The following PDSS2 variants were observed in gnomAD, a reference collection of about 807,000 sequenced individuals.
PDSS2 encodes the protein all trans-polyprenyl-diphosphate synthase PDSS2.
In PDSS2, 31 loss-of-function variants were observed where a neutral mutation model predicts 44.5. That is an observed-to-expected ratio of 0.70 (90% CI 0.52 to 0.94). The LOEUF is 0.94. Ranked by LOEUF, PDSS2 falls within the 40% of genes least tolerant of loss-of-function variation. PDSS2 has a pLI of 0.00. For missense variants in PDSS2, 452 were observed against 482.2 expected (o/e 0.94, Z 0.59); for synonymous variants, 157 against 180.3 (o/e 0.87, Z 1.03).
intron 7 of PDSS2, among the ~76,000 whole-genome samples, chr6:107,157,467 T>C (rs1330767266): frequency 1.1e-4 from 17 of 151,194 alleles, no homozygotes; most frequent in African/African-American, 3.4e-4. Context: ...CCTTTAATTA[T>C]AGGGGAACCA....
At chr6:107,277,038 G>T (rs1173611676) in intron 2 of PDSS2, among the ~76,000 whole-genome samples, 1 of 152,198 alleles carries the variant, frequency 6.6e-6, no homozygotes. Context: ...ACCAAGGTTT[G>T]GAGTAGTTTG....
intron 1 of PDSS2, among the ~76,000 whole-genome samples, chr6:107,417,789 ACACAC>A (rs1483981974): frequency 6.9e-6 from 1 of 145,644 alleles, no homozygotes; most frequent in Non-Finnish European, 1.5e-5. Context: ...ACACACACAC[ACACAC>A]ACACACACAC....
intron 2 of PDSS2, among the ~76,000 whole-genome samples, chr6:107,277,703 T>C (rs927605790): frequency 2.0e-5 from 3 of 152,022 alleles, no homozygotes; most frequent in Admixed American, 6.6e-5. Context: ...CTGTAATCCC[T>C]GCACTATGGG....
At chr6:107,423,495 A>C (rs1217073377) in intron 1 of PDSS2, among the ~76,000 whole-genome samples, 1 of 152,108 alleles carries the variant, frequency 6.6e-6, no homozygotes, top group Non-Finnish European at 1.5e-5. Context: ...GTTCAGTTGG[A>C]AAATAAAGTT....
At chr6:107,405,816 C>T (rs1256577448) in intron 1 of PDSS2, among the ~76,000 whole-genome samples, 1 of 145,146 alleles carries the variant, frequency 6.9e-6, no homozygotes, top group African/African-American at 2.6e-5. Flanking sequence ...CACTGCACTC[C>T]AGCCTGGGCG....
intron 1 of PDSS2, among the ~76,000 whole-genome samples, chr6:107,447,761 C>T (rs1432418975): frequency 6.6e-6 from 1 of 152,188 alleles, no homozygotes; most frequent in Non-Finnish European, 1.5e-5. Flanking sequence ...CTAGGCAGTA[C>T]CCCAGTGGGA....
intron 1 of PDSS2, among the ~76,000 whole-genome samples, chr6:107,417,596 T>TA (rs1780701114): frequency 6.6e-6 from 1 of 151,974 alleles, no homozygotes; most frequent in South Asian, 2.1e-4. Context: ...CCATCTCTAC[T>TA]AAAAATACAA....
intron 2 of PDSS2, 60 bp downstream of exon 2, chr6:107,334,138 C>G (rs1156793117): frequency 7.1e-7 from 1 of 1,407,894 alleles, no homozygotes; most frequent in Non-Finnish European, 1.0e-6. Flanking sequence ...CCACTGACCT[C>G]TGTCCAGTAA....
At chr6:107,319,021 CACACAT>C (rs1350277148) in intron 2 of PDSS2, among the ~76,000 whole-genome samples, 2 of 143,554 alleles carry the variant, frequency 1.4e-5, no homozygotes, top group Non-Finnish European at 3.2e-5. Flanking sequence ...CACACACACA[CACACAT>C]ACACACACAC....
intron 3 of PDSS2, among the ~76,000 whole-genome samples, chr6:107,256,211 G>A (rs182468399): frequency 5.3e-5 from 8 of 152,050 alleles, no homozygotes; most frequent in South Asian, 4.2e-4. Context: ...GGCTGGTCTC[G>A]AACTCCTGAC....
At chr6:107,328,868 T>C (rs1294809266) in intron 2 of PDSS2, among the ~76,000 whole-genome samples, 2 of 152,214 alleles carry the variant, frequency 1.3e-5, no homozygotes, top group South Asian at 2.1e-4. Flanking sequence ...GAACACCTAG[T>C]TACAACTTAA....
intron 7 of PDSS2, among the ~76,000 whole-genome samples, chr6:107,177,490 G>A (rs1442580889): frequency 6.6e-6 from 1 of 152,058 alleles, no homozygotes; most frequent in Non-Finnish European, 1.5e-5. Flanking sequence ...TGGCATTTGA[G>A]GTTAGTAATA....
In PDSS2 at chr6:107,391,611, T is replaced by C. The variant is rs572951964; in HGVS notation, c.297-57279A>G. 1.4e-3 allele frequency among the ~76,000 whole-genome samples: 211 copies of C among 152,228 alleles called. 3 individuals carry two copies. Among genetic ancestry groups the C allele is most frequent in the African/African-American group, 4.8e-3 (199 of 41,580 alleles). On this transcript the variant is annotated intron_variant, in intron 1 of 7. Coordinates refer to ENST00000369037, the MANE Select transcript of PDSS2 (RefSeq NM_020381.4). ...TTTAGGAAGTTATTGGTACTTCTAG[T>C]ATACTAAAATGGTATAAACCCATAT...
intron 4 of PDSS2, among the ~76,000 whole-genome samples, chr6:107,224,133 G>A (rs1773707853): frequency 6.6e-6 from 1 of 151,282 alleles, no homozygotes; most frequent in Non-Finnish European, 1.5e-5. Flanking sequence ...AGGTGTGCAA[G>A]GATGAGGTAA....
intron 1 of PDSS2, among the ~76,000 whole-genome samples, chr6:107,452,601 T>C (rs576301095): frequency 3.1e-4 from 47 of 152,194 alleles, no homozygotes; most frequent in Admixed American, 1.7e-3. Flanking sequence ...TTTGCAAATA[T>C]TTTCTCCCAG....
intron 1 of PDSS2, among the ~76,000 whole-genome samples, chr6:107,410,847 T>C (rs1780470341): frequency 6.6e-6 from 1 of 152,052 alleles, no homozygotes; most frequent in South Asian, 2.1e-4. Context: ...TTGTTTCCAA[T>C]TGCACAGCAT....
intron 1 of PDSS2, among the ~76,000 whole-genome samples, chr6:107,425,578 C>T (rs1014590542): frequency 3.9e-5 from 6 of 152,180 alleles, no homozygotes; most frequent in African/African-American, 1.4e-4. Context: ...AGCAGCAAAG[C>T]ATTCAAGGGA....
intron 4 of PDSS2, among the ~76,000 whole-genome samples, chr6:107,243,386 T>G (rs1366734853): frequency 6.6e-6 from 1 of 152,222 alleles, no homozygotes; most frequent in Non-Finnish European, 1.5e-5. Flanking sequence ...CAGGTTTCCC[T>G]GACATAAAAA....
intron 3 of PDSS2, among the ~76,000 whole-genome samples, chr6:107,272,576 C>A (rs1195389901): frequency 6.6e-6 from 1 of 152,198 alleles, no homozygotes; most frequent in Non-Finnish European, 1.5e-5. Context: ...AGAAAAAATA[C>A]ATTCCTATCT....
Sources: allele counts gnomAD v4.1 joint callset (sites outside exome capture counted in the v4.1 genomes callset), GRCh38; gene constraint gnomAD v4.1.1; transcripts MANE v1.5; gene names NCBI Gene and HGNC (gene_info 2026-07-23, HGNC 2026-07-21).